The following GPC5 variants were observed in gnomAD, a reference collection of about 807,000 sequenced individuals.
GPC5 encodes glypican 5.
Under a neutral mutation model 53.9 loss-of-function variants are expected in GPC5, and 47 were observed. The observed-to-expected ratio is 0.87, with a 90% CI of 0.69 to 1.11. The LOEUF (loss-of-function observed/expected upper bound fraction) is 1.11. GPC5 is among the 50% of genes most tolerant of loss of function. The pLI, the probability that GPC5 is intolerant of heterozygous loss-of-function variation, is 0.00. For missense variants in GPC5, 748 were observed against 713.1 expected, an observed-to-expected ratio of 1.05 and a Z score of -0.56; for synonymous variants, 286 against 263.3, an observed-to-expected ratio of 1.09 and a Z score of -0.84.
In GPC5 at chr13:92,125,916, GTTTTTTGGTTTTTTTTTTTTT is replaced by G. The variant is rs1566446314; in HGVS notation, c.1402-18907_1402-18887del. Among the ~76,000 whole-genome samples, 18 of 31,300 alleles carry G rather than the reference GTTTTTTGGTTTTTTTTTTTTT, an allele frequency of 5.8e-4. No individual in the cohort carries two copies. The South Asian group carries it at 9.2e-3, about 16-fold the overall frequency. The allele number at this position is 31,300 out of a possible 152,430, so 20.5% of individuals were successfully genotyped here. ...GATTAGCATTAGAAAGGAAACATTT[GTTTTTTGGTTTTTTTTTTTTT>G]TTTTTTTTTTTTTTTTTTTTTTTTT... On this transcript the variant is annotated intron_variant, in intron 6 of 7. Coordinates refer to ENST00000377067, the MANE Select transcript of GPC5 (RefSeq NM_004466.6).
At chr13:92,377,210 T>C (rs780892574) in intron 7 of GPC5, among the ~76,000 whole-genome samples, 3 of 152,286 alleles carry the variant, frequency 2.0e-5, no homozygotes, top group South Asian at 4.1e-4. Context: ...GTTTTCACTA[T>C]GAAGTTTCAT....
Position 92,293,422 on chromosome 13 carries a change from CTTTTTT to C in GPC5, c.1561+148455_1561+148460del, listed in dbSNP as rs748125673. Among the ~76,000 whole-genome samples the C allele has an allele frequency of 4.7e-3, 362 of 77,310 alleles. 7 individuals are homozygous for C. Among genetic ancestry groups the C allele is most frequent in the South Asian group, 3.2e-3 (6 of 1,876 alleles). The allele number at this position is 77,310 out of a possible 152,430, so 50.7% of individuals were successfully genotyped here. A position where few individuals can be genotyped will look rare whatever the true frequency, so the allele number is the denominator to read the frequency against. On this transcript the variant is annotated intron_variant, in intron 7 of 7. Coordinates refer to ENST00000377067, the MANE Select transcript of GPC5 (RefSeq NM_004466.6). The stretch of plus-strand genomic sequence containing the variant: ...ACTCCTAAGGTTGGTTGGTTGGTTT[CTTTTTT>C]TTTTTTTTTTTTTTTTTTTTTGGCA...
Position 92,366,090 on chromosome 13 carries a change from T to C in GPC5, c.1561+221101T>C, listed in dbSNP as rs1172052885. Reference sequence around the variant, plus strand: ...AGCATCACCACAAACACATGAGTAATGCATCCTGCTATGATGTCACAATGG... The same window carrying C: ...AGCATCACCACAAACACATGAGTAACGCATCCTGCTATGATGTCACAATGG... On this transcript the variant is annotated intron_variant, in intron 7 of 7. Transcript: ENST00000377067. Among the ~76,000 whole-genome samples the C allele has an allele frequency of 2.0e-5, 3 of 151,722 alleles. No individual in the cohort carries two copies. The Middle Eastern group carries it at 0.01, about 516-fold the overall frequency.
intron 6 of GPC5, among the ~76,000 whole-genome samples, chr13:91,982,017 T>C (rs2040364225): frequency 6.6e-6 from 1 of 152,156 alleles, no homozygotes; most frequent in South Asian, 2.1e-4. Context: ...TTATGAAGGT[T>C]CCTCGCTTGC....
At chr13:92,466,189 AAT>A (rs200566583) in intron 7 of GPC5, among the ~76,000 whole-genome samples, 2 of 72,998 alleles carry the variant, frequency 2.7e-5, no homozygotes, top group African/African-American at 1.5e-4. Flanking sequence ...GTTAATTAAA[AAT>A]ATAAATATAG....
intron 5 of GPC5, among the ~76,000 whole-genome samples, chr13:91,842,914 C>G (rs1235211130): frequency 2.0e-5 from 3 of 151,932 alleles, no homozygotes; most frequent in South Asian, 2.1e-4. Context: ...TTTTAATACC[C>G]TAAAATGAAA....
chr13:92,269,620 A>T (rs1006121171), intron 7 of GPC5, among the ~76,000 whole-genome samples: 1 of 151,992 alleles, frequency 6.6e-6, no homozygotes, highest in Non-Finnish European at 1.5e-5. Context: ...GTTAGCCAGG[A>T]TGGTCTCGAT....
intron 6 of GPC5, chr13:91,996,437 A>G (rs2040504447): frequency 6.6e-6 from 1 of 152,274 alleles, no homozygotes; most frequent in Admixed American, 6.5e-5. Context: ...AAAGAAACCT[A>G]TTACATTATA....
chr13:92,188,925 G>A (rs1055355542), intron 7 of GPC5, among the ~76,000 whole-genome samples: 1 of 152,182 alleles, frequency 6.6e-6, no homozygotes, highest in Non-Finnish European at 1.5e-5. Flanking sequence ...GGCAATCACT[G>A]CCCTAAAACT....
chr13:92,627,774 C>G (rs755311161), intron 7 of GPC5, among the ~76,000 whole-genome samples: 3 of 152,158 alleles, frequency 2.0e-5, no homozygotes, highest in Non-Finnish European at 2.9e-5. Context: ...ATTATACATG[C>G]TATTCTGAAA....
chr13:92,003,989 T>C (rs1244662520), intron 6 of GPC5, among the ~76,000 whole-genome samples: 1 of 152,222 alleles, frequency 6.6e-6, no homozygotes, highest in Non-Finnish European at 1.5e-5. Flanking sequence ...CCAGGAGTTT[T>C]ATGAAGTATA....
chr13:92,640,873 C>A (rs1244726952), intron 7 of GPC5, among the ~76,000 whole-genome samples: 3 of 147,822 alleles, frequency 2.0e-5, no homozygotes, highest in African/African-American at 7.5e-5. Context: ...TTATAATAAC[C>A]AAACAAACAG....
chr13:92,380,277 G>A (rs1332626602), intron 7 of GPC5, among the ~76,000 whole-genome samples: 13 of 152,010 alleles, frequency 8.6e-5, no homozygotes, highest in Admixed American at 8.5e-4. Flanking sequence ...CCCTTGGAGA[G>A]GCAACCCTCT....
intron 2 of GPC5, among the ~76,000 whole-genome samples, chr13:91,522,136 A>C (rs1885851586): frequency 6.6e-6 from 1 of 152,144 alleles, no homozygotes; most frequent in African/African-American, 2.4e-5. Context: ...GTCCTTTTTG[A>C]ATTTATGGAG....
At chr13:92,345,962 C>G (rs1010527233) in intron 7 of GPC5, among the ~76,000 whole-genome samples, 8 of 152,168 alleles carry the variant, frequency 5.3e-5, no homozygotes, top group African/African-American at 1.9e-4. Flanking sequence ...TAAAACTGAG[C>G]TGATTGCCTT....
intron 7 of GPC5, among the ~76,000 whole-genome samples, chr13:92,267,427 C>A (rs1040916645): frequency 2.6e-5 from 4 of 152,058 alleles, no homozygotes; most frequent in African/African-American, 9.7e-5. Context: ...CAATACTGAA[C>A]ATTCTGTTCT....
At chr13:92,524,765 T>G (rs1334206834) in intron 7 of GPC5, among the ~76,000 whole-genome samples, 1 of 152,080 alleles carries the variant, frequency 6.6e-6, no homozygotes, top group Non-Finnish European at 1.5e-5. Context: ...TGTTTTAGGC[T>G]CCTCAGAAAC....
chr13:92,523,541 A>C (rs1176899125), intron 7 of GPC5, among the ~76,000 whole-genome samples: 1 of 152,076 alleles, frequency 6.6e-6, no homozygotes, highest in Non-Finnish European at 1.5e-5. Flanking sequence ...CATCTTTCAA[A>C]TATGTGGAAG....
At chr13:91,660,929 G>A (rs1233965710) in intron 2 of GPC5, among the ~76,000 whole-genome samples, 2 of 152,080 alleles carry the variant, frequency 1.3e-5, no homozygotes, top group African/African-American at 4.8e-5. Context: ...TATCTACTAT[G>A]TACAAGGCAA....
Sources: allele counts gnomAD v4.1 joint callset (sites outside exome capture counted in the v4.1 genomes callset), GRCh38; gene constraint gnomAD v4.1.1; transcripts MANE v1.5; gene names NCBI Gene and HGNC (gene_info 2026-07-23, HGNC 2026-07-21).